Variants in BLTP3A observed in about 807,000 individuals in gnomAD.
The protein encoded by BLTP3A is bridge-like lipid transfer protein family member 3A, also known as ICBP90 binding protein 1.
chr6:34,872,546 G>A, the BLTP3A span: 1 of 1,385,498 alleles, frequency 7.2e-7, no homozygotes, highest in Non-Finnish European at 9.5e-7. Context: ...ACGGATGCCA[G>A]AGGGACTGGG....
the BLTP3A span, among the ~76,000 whole-genome samples, chr6:34,800,226 A>G: frequency 2.4e-4 from 37 of 152,110 alleles, no homozygotes; most frequent in African/African-American, 8.9e-4. Context: ...TAGGGTGAAA[A>G]ATTAGAGGTC....
chr6:34,856,221 C>T, the BLTP3A span: 1 of 1,603,842 alleles, frequency 6.2e-7, no homozygotes, highest in Non-Finnish European at 8.5e-7. Context: ...AAAATCTTTT[C>T]ACTTCTTCGT....
chr6:34,856,412 G>T, the BLTP3A span: 1 of 1,613,272 alleles, frequency 6.2e-7, no homozygotes, highest in Non-Finnish European at 8.5e-7. Flanking sequence ...AAAAGCAGGT[G>T]GGTTATGAGG....
chr6:34,797,465 C>A, the BLTP3A span, among the ~76,000 whole-genome samples: 1 of 152,150 alleles, frequency 6.6e-6, no homozygotes. Context: ...TAGAGATCAT[C>A]GGGGCCAGCC....
the BLTP3A span, among the ~76,000 whole-genome samples, chr6:34,822,852 GA>G: frequency 0.014 from 1,870 of 136,776 alleles, 41 homozygotes; most frequent in African/African-American, 0.043. Context: ...TCTGTTTCGG[GA>G]AAAAAAAAAA....
chr6:34,870,148 T>A, the BLTP3A span, among the ~76,000 whole-genome samples: 12,321 of 152,182 alleles, frequency 0.081, 771 homozygotes, highest in East Asian at 0.24. Context: ...TTGGGTTATT[T>A]CTAGTTTTTG....
chr6:34,826,432 C>T, the BLTP3A span, among the ~76,000 whole-genome samples: 50 of 150,394 alleles, frequency 3.3e-4, no homozygotes, highest in South Asian at 9.7e-3. Context: ...AGTCACGGCT[C>T]ACTGCAGCCT....
At chr6:34,871,954 C>T in the BLTP3A span, 1 of 1,602,500 alleles carries the variant, frequency 6.2e-7, no homozygotes, top group Non-Finnish European at 8.5e-7. Flanking sequence ...AGTAGCTGCC[C>T]ATAACCCTTG....
chr6:34,850,373 C>A, the BLTP3A span, among the ~76,000 whole-genome samples: 1 of 152,072 alleles, frequency 6.6e-6, no homozygotes, highest in African/African-American at 2.4e-5. Flanking sequence ...CTATAATCTT[C>A]TTGTACTTGG....
the BLTP3A span, among the ~76,000 whole-genome samples, chr6:34,848,778 G>A: frequency 1.8e-3 from 272 of 152,018 alleles, no homozygotes; most frequent in African/African-American, 6.0e-3. Flanking sequence ...CAGCCATTCT[G>A]TGTCTTTTGA....
the BLTP3A span, chr6:34,834,757 C>T: frequency 3.7e-6 from 6 of 1,613,966 alleles, no homozygotes; most frequent in African/African-American, 2.7e-5. Context: ...GCAAACACTC[C>T]GAATTGAGGC....
the BLTP3A span, among the ~76,000 whole-genome samples, chr6:34,819,141 C>CTTT: frequency 1.5e-5 from 2 of 133,782 alleles, no homozygotes; most frequent in African/African-American, 5.5e-5. Flanking sequence ...GACAGTTTTT[C>CTTT]TTTTTTTTTT....
the BLTP3A span, chr6:34,821,845 C>G: frequency 1.5e-5 from 25 of 1,613,980 alleles, no homozygotes; most frequent in Admixed American, 3.8e-4. Flanking sequence ...TGCTGCTGTT[C>G]TCTTTGGCCA....
chr6:34,867,623 A>T, the BLTP3A span: 2 of 1,611,106 alleles, frequency 1.2e-6, no homozygotes, highest in Non-Finnish European at 1.7e-6. Context: ...CCAGGTAAGG[A>T]TGGTAGTCAT....
the BLTP3A span, chr6:34,834,238 G>A: frequency 1.2e-3 from 1,932 of 1,613,882 alleles, 47 homozygotes; most frequent in East Asian, 0.039. Context: ...TTGCCGAAAA[G>A]GTGGTGGAAG....
chr6:34,852,404 C>G, the BLTP3A span, among the ~76,000 whole-genome samples: 1 of 152,212 alleles, frequency 6.6e-6, no homozygotes, highest in African/African-American at 2.4e-5. Context: ...GACCCAGGAT[C>G]TGTTGTATCT....
At chr6:34,864,249 C>G in the BLTP3A span, 1 of 1,546,764 alleles carries the variant, frequency 6.5e-7, no homozygotes. Context: ...AAAGGGTTCT[C>G]TCTGCTGCCT....
the BLTP3A span, among the ~76,000 whole-genome samples, chr6:34,869,273 A>T: frequency 6.6e-6 from 1 of 152,142 alleles, no homozygotes; most frequent in Admixed American, 6.5e-5. Context: ...AAGTGCTGGA[A>T]TTACAGGCCT....
chr6:34,835,610 T>G, the BLTP3A span: 1 of 888,564 alleles, frequency 1.1e-6, no homozygotes, highest in Non-Finnish European at 1.7e-6. Flanking sequence ...GCACCTCTGA[T>G]TTTTTATTTA....
Sources: allele counts gnomAD v4.1 joint callset (sites outside exome capture counted in the v4.1 genomes callset), GRCh38; gene constraint gnomAD v4.1.1; transcripts MANE v1.5; gene names NCBI Gene and HGNC (gene_info 2026-07-23, HGNC 2026-07-21).